Variants in MGMT observed in about 807,000 individuals in gnomAD.
MGMT encodes the protein methylated-DNA--protein-cysteine methyltransferase.
A neutral mutation model predicts 15.9 loss-of-function variants in MGMT; 14 were observed. That is an observed-to-expected ratio of 0.88 (90% CI 0.58 to 1.37). MGMT has a LOEUF of 1.37. Among genes scored for constraint, MGMT ranks in the 40% most tolerant of loss-of-function variants. The pLI is 0.00. For missense variants in MGMT, 282 were observed against 268.1 expected (o/e 1.05, Z -0.36); for synonymous variants, 130 against 118.2 (o/e 1.10, Z -0.65).
At chr10:129,501,658 G>A (rs930569047) in intron 1 of MGMT, among the ~76,000 whole-genome samples, 4 of 152,058 alleles carry the variant, frequency 2.6e-5, no homozygotes, top group Admixed American at 1.3e-4. Flanking sequence ...TTCTTCCATC[G>A]AAGCACCTGC....
chr10:129,616,943 C>A (rs1245560636), intron 2 of MGMT, among the ~76,000 whole-genome samples: 1 of 152,152 alleles, frequency 6.6e-6, no homozygotes, highest in Non-Finnish European at 1.5e-5. Flanking sequence ...TGAGCAAATT[C>A]ATAAAGTCAA....
At chr10:129,649,391 CT>C (rs371017814) in intron 2 of MGMT, among the ~76,000 whole-genome samples, 3 of 152,096 alleles carry the variant, frequency 2.0e-5, no homozygotes, top group East Asian at 3.9e-4. Flanking sequence ...GGAAATGGTG[CT>C]GCAAGTTTTT....
chr10:129,478,979 T>G (rs1374967259), intron 1 of MGMT, among the ~76,000 whole-genome samples: 1 of 152,226 alleles, frequency 6.6e-6, no homozygotes, highest in Admixed American at 6.5e-5. Context: ...TAATGATTGA[T>G]TCTGTTTATC....
chr10:129,655,283 C>T (rs1260040795), intron 2 of MGMT, among the ~76,000 whole-genome samples: 2 of 152,192 alleles, frequency 1.3e-5, no homozygotes, highest in African/African-American at 4.8e-5. Flanking sequence ...GCCTCACTGG[C>T]CTGGTGTGGA....
At chr10:129,654,315 C>T (rs1484927643) in intron 2 of MGMT, among the ~76,000 whole-genome samples, 1 of 152,042 alleles carries the variant, frequency 6.6e-6, no homozygotes, top group African/African-American at 2.4e-5. Context: ...GTGCCCAGGT[C>T]GGGTACAGAG....
chr10:129,625,670 A>T (rs1010078026), intron 2 of MGMT, among the ~76,000 whole-genome samples: 11 of 152,380 alleles, frequency 7.2e-5, no homozygotes, highest in Admixed American at 2.0e-4. Context: ...ATGCACTGCA[A>T]AGTAAGAATA....
At chr10:129,710,893 A>G (rs6482749) in intron 3 of MGMT, among the ~76,000 whole-genome samples, 1 of 152,144 alleles carries the variant, frequency 6.6e-6, no homozygotes, top group African/African-American at 2.4e-5. Context: ...ATTTCTGTAT[A>G]TGTTTAACAT....
intron 2 of MGMT, chr10:129,701,573 C>T (rs915226418): frequency 1.3e-5 from 2 of 152,168 alleles, no homozygotes; most frequent in African/African-American, 4.8e-5. Flanking sequence ...TCTGAATACC[C>T]AAATCTCCCA....
At chr10:129,550,798 A>G (rs978792878) in intron 2 of MGMT, among the ~76,000 whole-genome samples, 2 of 152,118 alleles carry the variant, frequency 1.3e-5, no homozygotes, top group Admixed American at 6.5e-5. Flanking sequence ...CCCATTAAAC[A>G]CTAACTCCCC....
intron 1 of MGMT, among the ~76,000 whole-genome samples, chr10:129,506,094 G>A (rs542897394): frequency 6.6e-6 from 1 of 150,692 alleles, no homozygotes; most frequent in South Asian, 2.1e-4. Flanking sequence ...ACTTTGTCAT[G>A]GTAGACATTT....
chr10:129,576,120 G>A (rs1846479571), intron 2 of MGMT, among the ~76,000 whole-genome samples: 1 of 152,198 alleles, frequency 6.6e-6, no homozygotes, highest in African/African-American at 2.4e-5. Context: ...GGAAGAGCTG[G>A]TACCATTCCT....
chr10:129,642,066 A>G (rs1428715614), intron 2 of MGMT, among the ~76,000 whole-genome samples: 2 of 152,154 alleles, frequency 1.3e-5, no homozygotes, highest in Non-Finnish European at 2.9e-5. Context: ...AGACACAGAG[A>G]ACCCTTGTTG....
At chr10:129,619,799 C>T (rs184474814) in intron 2 of MGMT, among the ~76,000 whole-genome samples, 17 of 152,290 alleles carry the variant, frequency 1.1e-4, no homozygotes, top group Admixed American at 4.6e-4. Context: ...CTCTAGGGCA[C>T]GCCATGATGA....
intron 2 of MGMT, among the ~76,000 whole-genome samples, chr10:129,623,279 C>A (rs1377596778): frequency 6.6e-6 from 1 of 152,140 alleles, no homozygotes; most frequent in African/African-American, 2.4e-5. Flanking sequence ...CTGTTCAGAC[C>A]TGGTGCTCCC....
rs557674129 is a variant in MGMT, at chr10:129,761,424, A to G, written c.414+2083A>G. On this transcript the variant is annotated intron_variant, in intron 4 of 4. Transcript: ENST00000651593. ...CACTAACTGACATGTGCAGCGTGGC[A>G]GCACCCTCCCCCACCAGCCTTTGGT... Among the ~76,000 whole-genome samples, 2 of 152,308 alleles carry G rather than the reference A, an allele frequency of 1.3e-5. 1 individual carries two copies. The highest frequency in any genetic ancestry group is 4.1e-4 in the South Asian group (2 of 4,824).
chr10:129,597,306 C>T lies in MGMT; in HGVS notation c.125+60929C>T, dbSNP rs117667012. Among the ~76,000 whole-genome samples, 736 of 152,240 alleles carry T rather than the reference C, an allele frequency of 4.8e-3. 1 individual carries two copies. The highest frequency in any genetic ancestry group is 6.5e-3 in the Non-Finnish European group (440 of 68,030). On this transcript the variant is annotated intron_variant, in intron 2 of 4. Transcript: ENST00000651593. ...AACCTCGCGTGAAATTGCAGAGCTACGACTGGAAAACTCGGCATCAGTTGA... is the reference window on the plus strand; with the variant it reads ...AACCTCGCGTGAAATTGCAGAGCTATGACTGGAAAACTCGGCATCAGTTGA...
At chr10:129,733,403 G>A (rs905694747) in intron 3 of MGMT, among the ~76,000 whole-genome samples, 9 of 151,898 alleles carry the variant, frequency 5.9e-5, no homozygotes, top group African/African-American at 1.9e-4. Context: ...TTTTGATGGG[G>A]TTGTTTGTTT....
At chr10:129,758,470 C>T (rs993943604) in intron 3 of MGMT, among the ~76,000 whole-genome samples, 1 of 152,084 alleles carries the variant, frequency 6.6e-6, no homozygotes, top group Admixed American at 6.5e-5. Context: ...TCTCTCCCAC[C>T]GACACCACTC....
At chr10:129,628,724 C>T (rs922875505) in intron 2 of MGMT, among the ~76,000 whole-genome samples, 1 of 152,198 alleles carries the variant, frequency 6.6e-6, no homozygotes, top group African/African-American at 2.4e-5. Context: ...AAGTAGAGCT[C>T]AGACTGCTGG....
Sources: allele counts gnomAD v4.1 joint callset (sites outside exome capture counted in the v4.1 genomes callset), GRCh38; gene constraint gnomAD v4.1.1; transcripts MANE v1.5; gene names NCBI Gene and HGNC (gene_info 2026-07-23, HGNC 2026-07-21).